SGPP2: variants seen among roughly 807,000 people sequenced by gnomAD.
SGPP2 encodes sphingosine-1-phosphate phosphatase 2.
SGPP2 carries 30 observed loss-of-function variants against 33.9 expected under a neutral mutation model. The observed-to-expected ratio is 0.89, with a 90% CI of 0.66 to 1.20. SGPP2 has a LOEUF of 1.20. Ranked by LOEUF, SGPP2 falls within the 50% of genes most tolerant of loss-of-function variation. SGPP2 has a pLI of 0.00. For synonymous variants in SGPP2, 233 were observed against 225.0 expected (o/e 1.04, Z -0.32); for missense variants, 458 against 532.1 (o/e 0.86, Z 1.37).
intron 2 of SGPP2, among the ~76,000 whole-genome samples, chr2:222,512,442 T>A (rs111547518): frequency 1.4e-4 from 22 of 152,242 alleles, no homozygotes; most frequent in Admixed American, 3.9e-4. Context: ...CCCGCCACAG[T>A]GATACATTTG....
intron 2 of SGPP2, among the ~76,000 whole-genome samples, chr2:222,484,633 AG>A (rs1698077544): frequency 1.3e-5 from 2 of 152,236 alleles, no homozygotes; most frequent in African/African-American, 4.8e-5. Context: ...GTCATTGCCA[AG>A]TTACATGTAG....
chr2:222,426,239 A>AAAAC (rs1256838372), intron 1 of SGPP2, among the ~76,000 whole-genome samples: 54 of 148,986 alleles, frequency 3.6e-4, no homozygotes, highest in South Asian at 2.3e-3. Flanking sequence ...AAAAAAGACC[A>AAAAC]AAACAAACAA....
chr2:222,470,055 G>A (rs1244790495), intron 1 of SGPP2, among the ~76,000 whole-genome samples: 1 of 152,168 alleles, frequency 6.6e-6, no homozygotes, highest in African/African-American at 2.4e-5. Flanking sequence ...ATAAGTGGGA[G>A]TTGAACAACG....
chr2:222,547,185 T>C (rs996162340), intron 4 of SGPP2, among the ~76,000 whole-genome samples: 1 of 152,226 alleles, frequency 6.6e-6, no homozygotes, highest in African/African-American at 2.4e-5. Context: ...CTCTTATTGC[T>C]CAGAGGCCCC....
At chr2:222,528,988 A>G (rs114920821) in intron 4 of SGPP2, among the ~76,000 whole-genome samples, 101 of 152,344 alleles carry the variant, frequency 6.6e-4, no homozygotes, top group African/African-American at 2.3e-3. Context: ...TCTTTGTAGA[A>G]TGCCAATGCT....
At chr2:222,438,564 G>A (rs34159477) in intron 1 of SGPP2, among the ~76,000 whole-genome samples, 12,692 of 152,290 alleles carry the variant, frequency 0.083, 658 homozygotes, top group Middle Eastern at 0.15. Context: ...GAAAAAGGCA[G>A]TTGCCAAGTC....
intron 4 of SGPP2, among the ~76,000 whole-genome samples, chr2:222,540,347 A>T (rs1698973367): frequency 6.6e-6 from 1 of 152,136 alleles, no homozygotes; most frequent in Admixed American, 6.5e-5. Flanking sequence ...ATGTGATGTC[A>T]TGTCAGTATT....
At chr2:222,541,096 C>T (rs1329782874) in intron 4 of SGPP2, among the ~76,000 whole-genome samples, 2 of 152,096 alleles carry the variant, frequency 1.3e-5, no homozygotes, top group Non-Finnish European at 2.9e-5. Flanking sequence ...GGATTACAGG[C>T]GTGAGCCACC....
At chr2:222,542,164 C>T (rs557203148) in intron 4 of SGPP2, among the ~76,000 whole-genome samples, 1 of 152,208 alleles carries the variant, frequency 6.6e-6, no homozygotes, top group African/African-American at 2.4e-5. Context: ...AATGTAATCA[C>T]ACAGTATGCT....
intron 4 of SGPP2, among the ~76,000 whole-genome samples, chr2:222,549,931 C>CA (rs1689263211): frequency 6.6e-6 from 1 of 150,398 alleles, no homozygotes; most frequent in South Asian, 2.1e-4. Flanking sequence ...GGGCTGAATA[C>CA]AGTGGCACAA....
intron 4 of SGPP2, among the ~76,000 whole-genome samples, chr2:222,541,160 G>C (rs956404157): frequency 6.6e-6 from 1 of 152,254 alleles, no homozygotes; most frequent in Non-Finnish European, 1.5e-5. Flanking sequence ...AGAGTGTCTT[G>C]GAACAGCAAA....
In SGPP2 at chr2:222,554,931, AT is replaced by A. The variant is rs536389081; in HGVS notation, c.649-3415del. 1.5e-3 allele frequency among the ~76,000 whole-genome samples: 230 copies of A among 152,266 alleles called. 1 individual carries two copies. The highest frequency in any genetic ancestry group is 0.013 in the Admixed American group (199 of 15,282). On this transcript the variant is annotated intron_variant, in intron 4 of 4. Transcript: ENST00000321276. ...TCCATGAATGTTAATACATGTATTGATCTGAGTGACCCCCGCCACGATAAAG... is the reference window on the plus strand; with the variant it reads ...TCCATGAATGTTAATACATGTATTGACTGAGTGACCCCCGCCACGATAAAG...
chr2:222,441,257 C>A (rs373327717), intron 1 of SGPP2, among the ~76,000 whole-genome samples: 4 of 152,264 alleles, frequency 2.6e-5, no homozygotes, highest in East Asian at 3.9e-4. Context: ...CGTGGTAGAA[C>A]CATTACATTT....
At chr2:222,453,048 T>G in intron 1 of SGPP2, 1 of 1,475,982 alleles carries the variant, frequency 6.8e-7, no homozygotes, top group Non-Finnish European at 9.5e-7. Flanking sequence ...GTCTTCCTTC[T>G]TTTGTGGCGC....
chr2:222,477,799 G>A lies in SGPP2; in HGVS notation c.378+3073G>A, dbSNP rs533404095. Among the ~76,000 whole-genome samples, 2 of 152,188 alleles carry A rather than the reference G, an allele frequency of 1.3e-5. No homozygotes were observed. The highest frequency in any genetic ancestry group is 2.4e-5 in the African/African-American group (1 of 41,488). On this transcript the variant is annotated intron_variant, in intron 2 of 4. Transcript: ENST00000321276. This position sits in a 1 kb window ranked among gnomAD's most constrained non-coding sequence, Gnocchi z 6.0. ...AAGGCTGTGGCTAGGGGACACTCTC[G>A]TTGCCATTATTGGTGGTTATTTTCT...
intron 4 of SGPP2, among the ~76,000 whole-genome samples, chr2:222,538,308 T>G (rs1411713954): frequency 6.6e-6 from 1 of 152,144 alleles, no homozygotes; most frequent in East Asian, 1.9e-4. Context: ...TATATAAATT[T>G]AAAAATTAAA....
chr2:222,429,077 C>T (rs987632358), intron 1 of SGPP2, among the ~76,000 whole-genome samples: 1 of 152,144 alleles, frequency 6.6e-6, no homozygotes, highest in Non-Finnish European at 1.5e-5. Flanking sequence ...CAGGCCACCT[C>T]CCAAAGTGCT....
At chr2:222,472,968 A>T (rs531192004) in intron 1 of SGPP2, among the ~76,000 whole-genome samples, 4 of 152,108 alleles carry the variant, frequency 2.6e-5, no homozygotes, top group Non-Finnish European at 4.4e-5. Flanking sequence ...GAGCCAAGAT[A>T]GTGCCATTGC....
chr2:222,440,778 A>G (rs185804941), intron 1 of SGPP2, among the ~76,000 whole-genome samples: 6 of 152,202 alleles, frequency 3.9e-5, no homozygotes, highest in Admixed American at 2.0e-4. Flanking sequence ...CTCAGTCTAC[A>G]AACATACTTC....
Sources: allele counts gnomAD v4.1 joint callset (sites outside exome capture counted in the v4.1 genomes callset), GRCh38; gene constraint gnomAD v4.1.1; non-coding constraint Gnocchi (gnomAD v3.1); transcripts MANE v1.5; gene names NCBI Gene and HGNC (gene_info 2026-07-23, HGNC 2026-07-21).